Variants in VMP1 observed in about 807,000 individuals in gnomAD.
VMP1 encodes the protein ectopic P-granules autophagy protein 3 homolog.
Under a neutral mutation model 56.0 loss-of-function variants are expected in VMP1, and 11 were observed. The observed-to-expected ratio is 0.20, with a 90% CI of 0.12 to 0.32. The LOEUF is 0.32. Among genes scored for constraint, VMP1 ranks in the 10% least tolerant of loss-of-function variants. VMP1 has a pLI of 1.00. For missense variants in VMP1, 296 were observed against 490.3 expected (o/e 0.60, Z 3.74); for synonymous variants, 149 against 165.0 (o/e 0.90, Z 0.74).
intron 1 of VMP1, among the ~76,000 whole-genome samples, chr17:59,718,975 G>A (rs1482088024): frequency 6.6e-6 from 1 of 152,042 alleles, no homozygotes; most frequent in Non-Finnish European, 1.5e-5. Flanking sequence ...AGACATATCA[G>A]ATGACACTCT....
At chr17:59,832,539 A>T (rs2038844532) in intron 10 of VMP1, among the ~76,000 whole-genome samples, 1 of 151,582 alleles carries the variant, frequency 6.6e-6, no homozygotes, top group African/African-American at 2.4e-5. Flanking sequence ...TTCTCCTTCT[A>T]CTTTATGTTC....
chr17:59,736,767 G>A (rs976668076), intron 3 of VMP1, among the ~76,000 whole-genome samples: 1 of 151,604 alleles, frequency 6.6e-6, no homozygotes, highest in Non-Finnish European at 1.5e-5. Context: ...CAAAGCCCGG[G>A]CATGGTGGCT....
intron 6 of VMP1, among the ~76,000 whole-genome samples, chr17:59,772,947 A>ATTTT (rs1488990377): frequency 5.7e-5 from 4 of 70,606 alleles, no homozygotes; most frequent in African/African-American, 1.6e-4. Flanking sequence ...ATACTGGTGA[A>ATTTT]TTCTTTTTTT....
intron 6 of VMP1, among the ~76,000 whole-genome samples, chr17:59,765,446 C>G (rs557516318): frequency 6.6e-6 from 1 of 152,094 alleles, no homozygotes; most frequent in African/African-American, 2.4e-5. Context: ...GGGTGCCAAC[C>G]CCCTGTGCAG....
At chr17:59,811,586 A>G in intron 8 of VMP1, 84 bp from the exon 9 acceptor site, 2 of 1,018,870 alleles carry the variant, frequency 2.0e-6, no homozygotes, top group Non-Finnish European at 3.0e-6. Flanking sequence ...GCAGGCTGAA[A>G]GCAGAATACC....
intron 6 of VMP1, among the ~76,000 whole-genome samples, chr17:59,773,246 C>T (rs1331817903): frequency 2.6e-5 from 4 of 151,806 alleles, no homozygotes; most frequent in African/African-American, 9.7e-5. Flanking sequence ...AGGCGTGAGC[C>T]ACCATGCCCA....
intron 5 of VMP1, among the ~76,000 whole-genome samples, chr17:59,754,494 T>C (rs2143926905): frequency 6.6e-6 from 1 of 152,362 alleles, no homozygotes; most frequent in South Asian, 2.1e-4. Flanking sequence ...AAAAAATTGT[T>C]AGCCAGCTTC....
At chr17:59,803,964 G>A (rs191979026) in intron 7 of VMP1, among the ~76,000 whole-genome samples, 1,937 of 150,842 alleles carry the variant, frequency 0.013, 23 homozygotes, top group Middle Eastern at 0.071. Context: ...TTTTGTTTTG[G>A]TTTAGCTTTT....
chr17:59,746,060 C>T (rs966567875), intron 5 of VMP1, among the ~76,000 whole-genome samples: 3 of 152,174 alleles, frequency 2.0e-5, no homozygotes, highest in African/African-American at 7.2e-5. Flanking sequence ...TGGTTGTATA[C>T]TAGTCACCTA....
Position 59,775,130 on chromosome 17 carries a change from G to A in VMP1, c.714+1245G>A, listed in dbSNP as rs2036573409. On this transcript the variant is annotated intron_variant, in intron 7 of 11. Transcript: ENST00000262291. ...CTAACATTTTGTATTTTGTTTAGTA[G>A]AGACGGGGTTTCACCATGTTAGCCA... is the stretch of plus-strand genomic sequence containing the variant. 2.0e-5 allele frequency among the ~76,000 whole-genome samples: 3 copies of A among 151,838 alleles called. No individual in the cohort carries two copies. The South Asian group carries it at 6.2e-4, about 32-fold the overall frequency.
chr17:59,758,695 G>A (rs1024681145), intron 5 of VMP1, among the ~76,000 whole-genome samples: 1 of 151,724 alleles, frequency 6.6e-6, no homozygotes, highest in Non-Finnish European at 1.5e-5. Flanking sequence ...GGCCAGGTGC[G>A]CCGGCTCACA....
intron 5 of VMP1, among the ~76,000 whole-genome samples, chr17:59,750,582 A>G (rs1427265010): frequency 6.6e-6 from 1 of 152,268 alleles, no homozygotes; most frequent in East Asian, 1.9e-4. Context: ...GATTACAGGC[A>G]TGAGCCACCA....
rs560617783 is a variant in VMP1 at position 59,759,868 on chromosome 17, T to G, written c.415-5103T>G. On this transcript the variant is annotated intron_variant, in intron 5 of 11. Transcript: ENST00000262291. ...TCTGCCTTCTTTTGGACTGAGGATTTTTTTGTTTTGTTTTGTTTTGTTTTG... is the reference window on the plus strand; with the variant it reads ...TCTGCCTTCTTTTGGACTGAGGATTGTTTTGTTTTGTTTTGTTTTGTTTTG... Among the ~76,000 whole-genome samples the G allele has an allele frequency of 2.1e-4, 31 of 150,926 alleles. 2 individuals are homozygous for G. Among genetic ancestry groups the G allele is most frequent in the African/African-American group, 7.5e-4 (31 of 41,286 alleles).
intron 5 of VMP1, among the ~76,000 whole-genome samples, chr17:59,746,913 C>CT (rs908593312): frequency 2.0e-5 from 3 of 152,102 alleles, no homozygotes; most frequent in African/African-American, 7.2e-5. Flanking sequence ...TGCAAATAAG[C>CT]TTTTTTTCTA....
Position 59,773,894 on chromosome 17 carries a change from A to T in VMP1, c.714+9A>T. 6.3e-7 allele frequency: 1 copy of T among 1,598,384 alleles called. No individual in the cohort carries two copies. The highest frequency in any genetic ancestry group is 8.5e-7 in the Non-Finnish European group (1 of 1,173,086). On this transcript the variant is annotated intron_variant, in intron 7 of 11. Transcript: ENST00000262291. ...ATGCAGAGTCTGCACAAGTAAGAAC[A>T]GTGGGGATAGAAAATAGAACACTTT...
Position 59,836,300 on chromosome 17 carries a change from C to T in VMP1, c.975-1995C>T, listed in dbSNP as rs2038980248. Among the ~76,000 whole-genome samples the T allele has an allele frequency of 6.6e-5, 10 of 151,812 alleles. No homozygotes were observed. The South Asian group carries it at 2.1e-3, about 31-fold the overall frequency. On this transcript the variant is annotated intron_variant, in intron 10 of 11. Transcript: ENST00000262291. ...GGAGTACAGTGCAGCCCTGAGCTTC[C>T]TGGGCTCTCACTGTAGCCTCCTGAG...
intron 2 of VMP1, among the ~76,000 whole-genome samples, chr17:59,734,370 A>G (rs910688929): frequency 3.9e-5 from 6 of 152,198 alleles, no homozygotes; most frequent in African/African-American, 1.2e-4. Flanking sequence ...AAAGGGATGA[A>G]TCAGGTCTTA....
At chr17:59,815,609 T>C (rs1367476727) in intron 9 of VMP1, among the ~76,000 whole-genome samples, 5 of 152,260 alleles carry the variant, frequency 3.3e-5, no homozygotes, top group South Asian at 2.1e-4. Flanking sequence ...ATCCCAGCAC[T>C]TTGGGAGGCC....
chr17:59,765,252 T>C, intron 6 of VMP1, 114 bp downstream of exon 6: 1 of 1,231,960 alleles, frequency 8.1e-7, no homozygotes, highest in East Asian at 2.5e-5. Context: ...ATTCAGTCAG[T>C]AACCAGCTAC....
Sources: gnomAD v4.1 joint callset for allele counts (sites outside exome capture counted in the v4.1 genomes callset) on GRCh38, gnomAD v4.1.1 for gene constraint, MANE v1.5 for transcripts, NCBI Gene and HGNC (gene_info 2026-07-23, HGNC 2026-07-21) for gene names.